MYO3B: variants seen among roughly 807,000 people sequenced by gnomAD.
The protein encoded by MYO3B is myosin-IIIb.
MYO3B carries 156 observed loss-of-function variants against 174.6 expected under a neutral mutation model. That is an observed-to-expected ratio of 0.89 (90% confidence interval 0.78 to 1.02). The LOEUF (loss-of-function observed/expected upper bound fraction) is 1.02. Among genes scored for constraint, MYO3B ranks in the 50% least tolerant of loss-of-function variants. The pLI, the probability that MYO3B is intolerant of heterozygous loss-of-function variation, is 0.00. For synonymous variants in MYO3B, 563 were observed against 569.1 expected (o/e 0.99, Z 0.15); for missense variants, 1,632 against 1,639.4 (o/e 1.00, Z 0.08).
intron 32 of MYO3B, among the ~76,000 whole-genome samples, chr2:170,576,771 A>G (rs931863542): frequency 1.3e-5 from 2 of 152,166 alleles, no homozygotes; most frequent in Non-Finnish European, 2.9e-5. Context: ...TCCTTACTCT[A>G]TGATCTCTTA....
At chr2:170,594,315 C>T (rs868360120) in intron 32 of MYO3B, among the ~76,000 whole-genome samples, 2 of 152,128 alleles carry the variant, frequency 1.3e-5, no homozygotes, top group South Asian at 2.1e-4. Context: ...AAAAAAGTAT[C>T]GTCAGTGCAT....
intron 32 of MYO3B, among the ~76,000 whole-genome samples, chr2:170,567,675 A>G (rs148202924): frequency 1.3e-5 from 2 of 152,192 alleles, no homozygotes; most frequent in Non-Finnish European, 1.5e-5. Context: ...AGAGGCCTCC[A>G]GGCAGAAAGT....
intron 23 of MYO3B, among the ~76,000 whole-genome samples, chr2:170,453,485 A>G (rs1269088553): frequency 1.3e-5 from 2 of 151,472 alleles, no homozygotes; most frequent in African/African-American, 2.4e-5. Flanking sequence ...AGAGCGACCA[A>G]CTGACCAGAA....
intron 28 of MYO3B, among the ~76,000 whole-genome samples, chr2:170,506,429 G>A (rs532500398): frequency 1.1e-3 from 172 of 152,268 alleles, no homozygotes; most frequent in Non-Finnish European, 1.7e-3. Context: ...TAAATTTCCC[G>A]CTATTTGCCT....
At chr2:170,625,860 G>A (rs372636348) in intron 32 of MYO3B, among the ~76,000 whole-genome samples, 45 of 152,260 alleles carry the variant, frequency 3.0e-4, no homozygotes, top group East Asian at 2.1e-3. Context: ...GTAGTTGAGC[G>A]GTTTTGAGTG....
intron 7 of MYO3B, among the ~76,000 whole-genome samples, chr2:170,302,886 T>C (rs1206948909): frequency 6.6e-6 from 1 of 152,240 alleles, no homozygotes; most frequent in Non-Finnish European, 1.5e-5. Context: ...AAAGAGAAGA[T>C]GGTGCTTGAT....
At chr2:170,464,590 C>G (rs1294811243) in intron 24 of MYO3B, among the ~76,000 whole-genome samples, 1 of 151,996 alleles carries the variant, frequency 6.6e-6, no homozygotes. Flanking sequence ...TCCAGCCTAG[C>G]CAATTGTGCT....
chr2:170,456,561 C>T (rs1382402868), intron 23 of MYO3B, among the ~76,000 whole-genome samples: 2 of 152,092 alleles, frequency 1.3e-5, no homozygotes, highest in African/African-American at 4.8e-5. Context: ...TTCTGTACCC[C>T]AACAGTTTCA....
intron 9 of MYO3B, among the ~76,000 whole-genome samples, chr2:170,375,611 A>G (rs1368129154): frequency 6.6e-6 from 1 of 151,842 alleles, no homozygotes; most frequent in Non-Finnish European, 1.5e-5. Flanking sequence ...TTTCTTTTCA[A>G]CCTGCAGCAA....
intron 32 of MYO3B, among the ~76,000 whole-genome samples, chr2:170,562,326 C>T (rs1317722802): frequency 6.6e-6 from 1 of 152,046 alleles, no homozygotes; most frequent in African/African-American, 2.4e-5. Context: ...CGTTTTAGAC[C>T]ACTGATTTTA....
At chr2:170,217,441 T>C in intron 6 of MYO3B, 46 bp downstream of exon 6, 1 of 1,498,582 alleles carries the variant, frequency 6.7e-7, no homozygotes, top group Non-Finnish European at 9.3e-7. Context: ...GTTGAATGCC[T>C]TGGTACTATG....
intron 7 of MYO3B, among the ~76,000 whole-genome samples, chr2:170,327,469 G>C (rs563405741): frequency 1.2e-3 from 78 of 62,784 alleles, no homozygotes; most frequent in African/African-American, 2.9e-3. Context: ...AATTCCTTCA[G>C]TTACTGTAAA....
chr2:170,240,330 A>C (rs974890476), intron 7 of MYO3B, among the ~76,000 whole-genome samples: 1 of 152,184 alleles, frequency 6.6e-6, no homozygotes, highest in African/African-American at 2.4e-5. Context: ...ATAGCTGCTA[A>C]GATCTGTCAA....
chr2:170,620,071 G>C (rs764164851), intron 32 of MYO3B, among the ~76,000 whole-genome samples: 1 of 152,140 alleles, frequency 6.6e-6, no homozygotes, highest in East Asian at 1.9e-4. Flanking sequence ...CCACCTTAGA[G>C]GCTGTCCACC....
At chr2:170,526,560 T>C (rs1479360858) in intron 30 of MYO3B, among the ~76,000 whole-genome samples, 1 of 152,206 alleles carries the variant, frequency 6.6e-6, no homozygotes, top group Non-Finnish European at 1.5e-5. Context: ...GAATCTGAGA[T>C]TGACTTTGGG....
At chr2:170,403,261 A>G (rs957086871) in intron 19 of MYO3B, among the ~76,000 whole-genome samples, 1 of 105,050 alleles carries the variant, frequency 9.5e-6, no homozygotes, top group Admixed American at 1.0e-4. Context: ...ATTGCTCAAA[A>G]TACTGTATCT....
intron 17 of MYO3B, among the ~76,000 whole-genome samples, chr2:170,400,616 G>C (rs968005476): frequency 6.8e-6 from 1 of 146,696 alleles, no homozygotes; most frequent in African/African-American, 2.5e-5. Context: ...TCTTGGCCAG[G>C]CTGGTCTTGA....
intron 32 of MYO3B, among the ~76,000 whole-genome samples, chr2:170,557,408 T>C (rs2106243327): frequency 6.6e-6 from 1 of 152,166 alleles, no homozygotes; most frequent in Non-Finnish European, 1.5e-5. Flanking sequence ...CAAAGTGCTA[T>C]TTATGTTTGC....
At chr2:170,413,821 C>T (rs373915179) in intron 22 of MYO3B, among the ~76,000 whole-genome samples, 4 of 151,960 alleles carry the variant, frequency 2.6e-5, no homozygotes, top group Non-Finnish European at 5.9e-5. Context: ...GGGTGGATCA[C>T]GAGGTCAGGA....
Sources: gnomAD v4.1 joint callset for allele counts (sites outside exome capture counted in the v4.1 genomes callset) on GRCh38, gnomAD v4.1.1 for gene constraint, MANE v1.5 for transcripts, NCBI Gene and HGNC (gene_info 2026-07-23, HGNC 2026-07-21) for gene names.